ANK2: variants seen among roughly 807,000 people sequenced by gnomAD.
The protein encoded by ANK2 is ankyrin-2.
In ANK2, 83 loss-of-function variants were observed where a neutral mutation model predicts 360.5. The ratio of observed to expected loss-of-function variants is 0.23; its 90% CI spans 0.19 to 0.28. The LOEUF (loss-of-function observed/expected upper bound fraction) is 0.28, where lower values mean the gene tolerates loss of function less well. ANK2 is among the 10% of genes least tolerant of loss of function. The pLI is 1.00. For missense variants in ANK2, 4,201 were observed against 4,795.7 expected (o/e 0.88, Z 3.66); for synonymous variants, 1,740 against 1,759.5 (o/e 0.99, Z 0.28).
chr4:113,000,674 G>C (rs1034428844), intron 2 of ANK2, among the ~76,000 whole-genome samples: 4 of 152,192 alleles, frequency 2.6e-5, no homozygotes, highest in African/African-American at 9.6e-5. Flanking sequence ...GTTCAGTGTT[G>C]AGTAAACAAG....
the ANK2 span, among the ~76,000 whole-genome samples, chr4:112,778,991 G>C: frequency 0.087 from 13,246 of 152,194 alleles, 772 homozygotes; most frequent in African/African-American, 0.16. Context: ...TTGTACCAAA[G>C]TTGTCAGGAA....
At chr4:113,360,762 T>C (rs2096159487) in intron 38 of ANK2, 61 bp from the exon 39 acceptor site, 6 of 1,422,090 alleles carry the variant, frequency 4.2e-6, no homozygotes, top group Non-Finnish European at 5.9e-6. Context: ...AATGAATCAG[T>C]ACTGTGGTTC....
chr4:112,929,073 G>T (rs547891652), intron 2 of ANK2, among the ~76,000 whole-genome samples: 1 of 151,886 alleles, frequency 6.6e-6, no homozygotes, highest in Non-Finnish European at 1.5e-5. Context: ...GGCTGGTCTC[G>T]AACTCCCAAC....
intron 22 of ANK2, among the ~76,000 whole-genome samples, chr4:113,296,715 T>A (rs1437942157): frequency 6.6e-6 from 1 of 152,188 alleles, no homozygotes; most frequent in Non-Finnish European, 1.5e-5. Context: ...TCTCCTGGGA[T>A]TACAATCACT....
chr4:112,896,955 C>A (rs1176906964), intron 1 of ANK2, among the ~76,000 whole-genome samples: 1 of 152,148 alleles, frequency 6.6e-6, no homozygotes, highest in Non-Finnish European at 1.5e-5. Context: ...AAAGTGAAGC[C>A]TCTGTATGAA....
chr4:112,774,832 C>G, the ANK2 span, among the ~76,000 whole-genome samples: 1 of 152,154 alleles, frequency 6.6e-6, no homozygotes, highest in Non-Finnish European at 1.5e-5. Context: ...AGATTTGGAA[C>G]TGTTTATAGA....
rs532758140 is a variant in ANK2, at chr4:113,234,422, C to T, written c.483+2163C>T. ...ACAATCATTTAAATAATTAAAATTA[C>T]TTTTTTCCGATTGAATATATAAGCT... On this transcript the variant is annotated intron_variant, in intron 5 of 45. Transcript: ENST00000357077. 5.9e-5 allele frequency among the ~76,000 whole-genome samples: 9 copies of T among 152,246 alleles called. No individual in the cohort carries two copies. In the South Asian group the frequency reaches 1.9e-3, roughly 32 times the overall value.
chr4:112,921,957 C>T (rs1393347368), intron 2 of ANK2, among the ~76,000 whole-genome samples: 1 of 152,142 alleles, frequency 6.6e-6, no homozygotes, highest in Non-Finnish European at 1.5e-5. Flanking sequence ...TGCTGTTTAG[C>T]ATTATGGCCT....
intron 1 of ANK2, among the ~76,000 whole-genome samples, chr4:112,833,799 G>A (rs1044078054): frequency 1.3e-5 from 2 of 152,116 alleles, no homozygotes; most frequent in African/African-American, 4.8e-5. Flanking sequence ...CACCGCACTC[G>A]GCCGGAATGA....
the ANK2 span, among the ~76,000 whole-genome samples, chr4:112,799,328 T>G: frequency 1.3e-5 from 2 of 152,294 alleles, no homozygotes; most frequent in African/African-American, 4.8e-5. Flanking sequence ...TTCTTTCTGG[T>G]ATGTGCCCAT....
intron 1 of ANK2, among the ~76,000 whole-genome samples, chr4:112,885,214 A>T (rs2077912576): frequency 1.3e-5 from 2 of 152,214 alleles, no homozygotes; most frequent in Non-Finnish European, 1.5e-5. Context: ...AAATTAAATA[A>T]GCAGGGCCGG....
At chr4:112,862,015 A>G (rs1045453986) in intron 1 of ANK2, among the ~76,000 whole-genome samples, 2 of 152,222 alleles carry the variant, frequency 1.3e-5, no homozygotes, top group Non-Finnish European at 2.9e-5. Flanking sequence ...ATACTGACTG[A>G]GTGCCTGGGG....
chr4:113,374,922 T>C (rs2096871950), intron 45 of ANK2: 1 of 1,223,900 alleles, frequency 8.2e-7, no homozygotes, highest in Non-Finnish European at 1.0e-6. Flanking sequence ...CTGATCTTCC[T>C]TCAGCCAAAG....
chr4:113,108,763 T>C (rs1219390695), intron 1 of ANK2, among the ~76,000 whole-genome samples: 20 of 152,176 alleles, frequency 1.3e-4, no homozygotes, highest in Admixed American at 1.3e-3. Flanking sequence ...TCTACAGATG[T>C]TTTTATTTTA....
chr4:112,732,628 G>T, the ANK2 span, among the ~76,000 whole-genome samples: 1 of 152,128 alleles, frequency 6.6e-6, no homozygotes, highest in African/African-American at 2.4e-5. Flanking sequence ...TCCCAGAGAG[G>T]TGTTCTCTCC....
In ANK2 at chr4:112,838,029, A is replaced by G. The variant is rs572424137; in HGVS notation, c.-40+19765A>G. ...TTTGGGAGGATCCAGGGGTAGAATG[A>G]TATGGTTTGGCTCTGTGTCCCCACC... is the stretch of plus-strand genomic sequence containing the variant. On this transcript the variant is annotated intron_variant, in intron 1 of 30. Transcript: ENST00000503271. 5.9e-5 allele frequency among the ~76,000 whole-genome samples: 9 copies of G among 152,248 alleles called. No homozygotes were observed. In the South Asian group the frequency reaches 1.9e-3, roughly 32 times the overall value.
At chr4:113,036,068 C>G (rs2061522343) in intron 2 of ANK2, among the ~76,000 whole-genome samples, 2 of 151,836 alleles carry the variant, frequency 1.3e-5, no homozygotes. Flanking sequence ...TCCGTAGTCT[C>G]ATACGTCTTC....
Position 112,863,722 on chromosome 4 carries a change from C to T in ANK2, c.-39-40733C>T, listed in dbSNP as rs368385591. ...TATTTTTAGTAGAGACGGGGTTGCA[C>T]CGTGTTAGCCAGGATAGTCTCGATC... On this transcript the variant is annotated intron_variant, in intron 1 of 30. Transcript: ENST00000503271. Among the ~76,000 whole-genome samples, 65 of 151,938 alleles carry T rather than the reference C, an allele frequency of 4.3e-4. 4 individuals are homozygous for T. The East Asian group carries it at 0.011, about 25-fold the overall frequency.
At chr4:113,254,928 GT>G (rs2048486956) in intron 10 of ANK2, among the ~76,000 whole-genome samples, 1 of 152,076 alleles carries the variant, frequency 6.6e-6, no homozygotes, top group South Asian at 2.1e-4. Context: ...TTAAAATTTA[GT>G]TTTTTCCTAA....
Sources: gnomAD v4.1 joint callset for allele counts (sites outside exome capture counted in the v4.1 genomes callset) on GRCh38, gnomAD v4.1.1 for gene constraint, MANE v1.5 for transcripts, NCBI Gene and HGNC (gene_info 2026-07-23, HGNC 2026-07-21) for gene names.